Variants in RUSF1 observed in about 807,000 individuals in gnomAD.
The protein encoded by RUSF1 is RUS1 family protein C16orf58.
A neutral mutation model predicts 63.0 loss-of-function variants in RUSF1; 58 were observed. The ratio of observed to expected loss-of-function variants is 0.92; its 90% CI spans 0.75 to 1.15. The LOEUF is 1.15. Ranked by LOEUF, RUSF1 falls within the 50% of genes most tolerant of loss-of-function variation. RUSF1 has a pLI of 0.00. For missense variants in RUSF1, 652 were observed against 611.0 expected (o/e 1.07, Z -0.71); for synonymous variants, 274 against 255.8 (o/e 1.07, Z -0.68).
chr16:31,493,703 G>T lies in RUSF1; in HGVS notation c.858C>A (p.Thr286=). 1.2e-6 allele frequency: 2 copies of T among 1,614,248 alleles called. No homozygotes were observed. Among genetic ancestry groups the T allele is most frequent in the Non-Finnish European group, 1.7e-6 (2 of 1,180,050 alleles). The change falls in exon 8 of 13, where the codon ACC becomes ACA. Residue 286 remains threonine, a synonymous_variant. Transcript: ENST00000327237. ...CCAGCCGGAGCCGGCCTTCGTTCAA[G>T]GTCTCCATGACCAGGGCTCGGACCG... ...YRAVRALVME[T]LNEGRLRLVL...
chr16:31,506,498 C>A (rs2082659494), intron 2 of RUSF1, among the ~76,000 whole-genome samples: 1 of 152,174 alleles, frequency 6.6e-6, no homozygotes. Context: ...ATACGGCCAA[C>A]AAGCCGGGCG....
intron 6 of RUSF1, 98 bp from the exon 7 acceptor site, chr16:31,494,034 TC>T: frequency 7.8e-7 from 1 of 1,284,988 alleles, no homozygotes; most frequent in Non-Finnish European, 1.1e-6. Context: ...CTCCACAACC[TC>T]CCAGGGCTCC....
chr16:31,505,605 A>G (rs551183069), intron 2 of RUSF1, among the ~76,000 whole-genome samples: 3 of 152,264 alleles, frequency 2.0e-5, no homozygotes, highest in African/African-American at 7.2e-5. Context: ...CTACAGAAAA[A>G]GTGCCTATAG....
At chr16:31,495,665 T>G (rs182240730) in intron 6 of RUSF1, among the ~76,000 whole-genome samples, 2 of 152,126 alleles carry the variant, frequency 1.3e-5, no homozygotes, top group Admixed American at 1.3e-4. Flanking sequence ...TGCTTGCTCC[T>G]TAACAGCCTG....
intron 5 of RUSF1, 135 bp from the exon 6 acceptor site, chr16:31,497,085 C>A (rs905270659): frequency 1.8e-5 from 12 of 655,384 alleles, no homozygotes; most frequent in Non-Finnish European, 3.1e-5. Context: ...CACCTTGATG[C>A]CCCCTAGGCT....
Position 31,496,926 on chromosome 16 carries a change from C to T in RUSF1, c.625G>A (p.Ala209Thr). ...AKCIVSVAGGATRAALTVHQA... is the reference protein window; with the variant it reads ...AKCIVSVAGGTTRAALTVHQA... Reference sequence around the variant, plus strand: ...TGCACGGTCAGGGCAGCCCGAGTGGCCCCACCAGCAACACTCACGATGCAC... The same window carrying T: ...TGCACGGTCAGGGCAGCCCGAGTGGTCCCACCAGCAACACTCACGATGCAC... The change falls in exon 6 of 13, where the codon GCC becomes ACC. Residue 209 changes from alanine to threonine, a missense_variant. Transcript: ENST00000327237. The T allele has an allele frequency of 6.2e-7, 1 of 1,608,882 alleles. No individual in the cohort carries two copies. Among genetic ancestry groups the T allele is most frequent in the Non-Finnish European group, 8.5e-7 (1 of 1,178,074 alleles).
intron 7 of RUSF1, 26 bp downstream of exon 7, chr16:31,493,840 T>C: frequency 1.2e-6 from 2 of 1,614,176 alleles, no homozygotes; most frequent in Non-Finnish European, 8.5e-7. Context: ...GCTGGGGTTC[T>C]CCTGCCCACC....
At chr16:31,499,440 T>C (rs760009752) in intron 4 of RUSF1, 33 bp from the exon 5 acceptor site, 15 of 1,612,854 alleles carry the variant, frequency 9.3e-6, no homozygotes, top group Admixed American at 6.7e-5. Flanking sequence ...AGGTCAGAGG[T>C]AGGAGACTTT....
intron 5 of RUSF1, 124 bp downstream of exon 5, chr16:31,499,178 G>A (rs781273767): frequency 2.2e-6 from 2 of 889,274 alleles, no homozygotes; most frequent in Admixed American, 2.2e-5. Flanking sequence ...GGTTGGGTTC[G>A]AGTAGAAACA....
At chr16:31,493,277 A>G in intron 9 of RUSF1, 190 bp downstream of exon 9, 2 of 892,118 alleles carry the variant, frequency 2.2e-6, no homozygotes, top group South Asian at 1.4e-5. Context: ...CATCAAGCAC[A>G]TCTCTTACAT....
chr16:31,491,490 T>A (rs1236974328), intron 12 of RUSF1, among the ~76,000 whole-genome samples: 4 of 151,888 alleles, frequency 2.6e-5, no homozygotes, highest in African/African-American at 4.8e-5. Flanking sequence ...AATTTTTTTA[T>A]ATTTTTGGTA....
chr16:31,505,407 C>T (rs996174134), intron 2 of RUSF1, among the ~76,000 whole-genome samples: 4 of 152,080 alleles, frequency 2.6e-5, no homozygotes, highest in South Asian at 2.1e-4. Context: ...GCTGGTCCTC[C>T]GCATGCTGAG....
At position 31,490,648 on chromosome 16, in the gene RUSF1, C is replaced by T; in HGVS notation, c.*187G>A. On this transcript the variant is annotated 3_prime_UTR_variant, in exon 13 of 13. Transcript: ENST00000327237. ...CAGTGGGGTGAGAAGGTCCTGGCTC[C>T]CCTTCTCCCGGCCTTCCTCTGCCTG... The T allele has an allele frequency of 8.9e-7, 1 of 1,126,748 alleles. No individual in the cohort carries two copies. The highest frequency in any genetic ancestry group is 1.3e-5 in the South Asian group (1 of 76,348). The allele number at this position is 1,126,748 out of a possible 1,614,324, so 69.8% of individuals were successfully genotyped here. A position where few individuals can be genotyped will look rare whatever the true frequency, so the allele number is the denominator to read the frequency against.
chr16:31,502,277 C>T (rs942005832), intron 2 of RUSF1, among the ~76,000 whole-genome samples: 1 of 152,132 alleles, frequency 6.6e-6, no homozygotes, highest in African/African-American at 2.4e-5. Context: ...TGACACGGGC[C>T]AGCCCTCCCA....
chr16:31,500,334 C>G (rs138942345), intron 3 of RUSF1, among the ~76,000 whole-genome samples: 114 of 152,302 alleles, frequency 7.5e-4, no homozygotes, highest in Non-Finnish European at 1.1e-3. Flanking sequence ...ATGGAAAGCA[C>G]AGGCTTCAGG....
In RUSF1 at chr16:31,493,673, C is replaced by T; in HGVS notation, c.888G>A (p.Leu296=). ...TLNEGRLRLV[L]KHYLQRGEVL... ...CCTCTCCCCTCTGAAGGTAGTGCTT[C>T]AGGACCAGCCGGAGCCGGCCTTCGT... The change falls in exon 8 of 13, where the codon CTG becomes CTA. Residue 296 remains leucine (L), a synonymous_variant. Transcript: ENST00000327237. The T allele has an allele frequency of 6.2e-7, 1 of 1,614,244 alleles. No homozygotes were observed. The highest frequency in any genetic ancestry group is 8.5e-7 in the Non-Finnish European group (1 of 1,180,044).
chr16:31,490,676 G>GCT lies in RUSF1; in HGVS notation c.*158_*159insAG. On this transcript the variant is annotated 3_prime_UTR_variant, in exon 13 of 13. Transcript: ENST00000327237. ...TTCTCCCGGCCTTCCTCTGCCTGGGGCCCACTGCATCTGATTGGCAGTCAC... is the reference window on the plus strand; with the variant it reads ...TTCTCCCGGCCTTCCTCTGCCTGGGGCTCCCACTGCATCTGATTGGCAGTCAC... 9.3e-7 allele frequency: 1 copy of GCT among 1,077,494 alleles called. No individual in the cohort carries two copies. The highest frequency in any genetic ancestry group is 1.4e-6 in the Non-Finnish European group (1 of 717,396). The allele number at this position is 1,077,494 out of a possible 1,614,324, so 66.7% of individuals were successfully genotyped here.
At position 31,490,081 on chromosome 16, in the gene RUSF1, G is replaced by C. The variant is rs532838657; in HGVS notation, c.*754C>G. On this transcript the variant is annotated 3_prime_UTR_variant, in exon 13 of 13. Transcript: ENST00000327237. Reference sequence around the variant, plus strand: ...CATGGGGGGACAGAACTCCCACCTCGTTCGTGCTCCCACCCTCCCCAGCTC... The same window carrying C: ...CATGGGGGGACAGAACTCCCACCTCCTTCGTGCTCCCACCCTCCCCAGCTC... 1.9e-6 allele frequency: 3 copies of C among 1,612,920 alleles called. No homozygotes were observed. The highest frequency in any genetic ancestry group is 2.5e-6 in the Non-Finnish European group (3 of 1,179,920).
At chr16:31,493,836 G>A (rs1483397267) in intron 7 of RUSF1, 30 bp downstream of exon 7, 4 of 1,614,086 alleles carry the variant, frequency 2.5e-6, no homozygotes, top group Non-Finnish European at 3.4e-6. Flanking sequence ...CCCAGCTGGG[G>A]TTCTCCTGCC....
Sources: gnomAD v4.1 joint callset for allele counts (sites outside exome capture counted in the v4.1 genomes callset) on GRCh38, gnomAD v4.1.1 for gene constraint, MANE v1.5 for transcripts, NCBI Gene and HGNC (gene_info 2026-07-23, HGNC 2026-07-21) for gene names.